The following SMIM31 variants were observed in gnomAD, a reference collection of about 807,000 sequenced individuals.
The protein encoded by SMIM31 is small integral membrane protein 31.
chr4:164,769,188 T>C (rs1429173639), intron 1 of SMIM31, among the ~76,000 whole-genome samples: 2 of 152,154 alleles, frequency 1.3e-5, no homozygotes, highest in African/African-American at 2.4e-5. Context: ...ACTCTGAGTT[T>C]TTTCCAGTTA....
At chr4:164,778,537 A>C (rs1053635941) in intron 2 of SMIM31, among the ~76,000 whole-genome samples, 2 of 152,166 alleles carry the variant, frequency 1.3e-5, no homozygotes, top group Non-Finnish European at 2.9e-5. Flanking sequence ...AACTGACGAT[A>C]TCTATAGCAC....
At chr4:164,761,754 TA>T (rs1732652945) in intron 1 of SMIM31, among the ~76,000 whole-genome samples, 1 of 118,564 alleles carries the variant, frequency 8.4e-6, no homozygotes, top group African/African-American at 2.8e-5. Flanking sequence ...CCATCTCTAC[TA>T]AAAATACAAA....
At chr4:164,767,222 A>C (rs1732731707) in intron 1 of SMIM31, among the ~76,000 whole-genome samples, 1 of 152,174 alleles carries the variant, frequency 6.6e-6, no homozygotes, top group Non-Finnish European at 1.5e-5. Context: ...AGGAATACAG[A>C]ATGGTAGGGT....
At chr4:164,759,941 C>A (rs1732622954) in intron 1 of SMIM31, among the ~76,000 whole-genome samples, 1 of 152,028 alleles carries the variant, frequency 6.6e-6, no homozygotes, top group Non-Finnish European at 1.5e-5. Flanking sequence ...TGAGAGTAGA[C>A]CACACTGAGA....
chr4:164,755,853 A>C (rs1732554400), intron 1 of SMIM31, among the ~76,000 whole-genome samples: 1 of 152,138 alleles, frequency 6.6e-6, no homozygotes, highest in Non-Finnish European at 1.5e-5. Flanking sequence ...CGTTGTTATG[A>C]AAATTGTTCA....
In SMIM31 at chr4:164,770,530, C is replaced by T. The variant is rs17045484; in HGVS notation, c.87C>T (p.Tyr29=). The T allele has an allele frequency of 0.046, 18,215 of 398,902 alleles. 548 individuals are homozygous for T. The highest frequency in any genetic ancestry group is 0.096 in the African/African-American group (4,691 of 48,700). The allele number at this position is 398,902 out of a possible 1,614,324, so 24.7% of individuals were successfully genotyped here. Residue 29 remains tyrosine (Y), a synonymous_variant, in exon 2 of 3, where the codon TAC becomes TAT. Transcript: ENST00000507311. ...IFSLFTLASI[Y]TTPDDSNEEE... ...CCTTATTTACCCTGGCTTCCATCTA[C>T]ACTACTCCGGATGACAGTAATGAAG...
At chr4:164,788,075 G>A (rs920633332) in intron 2 of SMIM31, among the ~76,000 whole-genome samples, 4 of 152,058 alleles carry the variant, frequency 2.6e-5, no homozygotes, top group African/African-American at 9.7e-5. Context: ...CTGCAGAAAT[G>A]TTTCTCAGAT....
intron 2 of SMIM31, among the ~76,000 whole-genome samples, chr4:164,786,865 G>C (rs936824554): frequency 6.6e-6 from 1 of 152,194 alleles, no homozygotes; most frequent in African/African-American, 2.4e-5. Context: ...GGTAGGTATA[G>C]GATGCAAAAA....
chr4:164,759,990 G>A (rs1239933797), intron 1 of SMIM31, among the ~76,000 whole-genome samples: 1 of 152,128 alleles, frequency 6.6e-6, no homozygotes, highest in South Asian at 2.1e-4. Flanking sequence ...GGAGGTAAGA[G>A]GGTAAGCCAT....
intron 1 of SMIM31, among the ~76,000 whole-genome samples, chr4:164,754,691 G>GT (rs561649187): frequency 3.6e-4 from 51 of 143,640 alleles, no homozygotes; most frequent in African/African-American, 1.3e-3. Context: ...TCCTAGTTTT[G>GT]TTTTTTTCCA....
At chr4:164,758,798 C>G (rs1026539916) in intron 1 of SMIM31, among the ~76,000 whole-genome samples, 3 of 93,912 alleles carry the variant, frequency 3.2e-5, no homozygotes, top group African/African-American at 1.3e-4. Flanking sequence ...CACGCCCGGC[C>G]AAATTTTTTT....
intron 2 of SMIM31, among the ~76,000 whole-genome samples, chr4:164,772,858 G>A (rs1579065445): frequency 6.6e-6 from 1 of 151,622 alleles, no homozygotes; most frequent in South Asian, 2.1e-4. Context: ...GATTACAGGC[G>A]TGAGCCACCG....
At chr4:164,799,486 C>T (rs1297121705) in intron 2 of SMIM31, among the ~76,000 whole-genome samples, 1 of 151,970 alleles carries the variant, frequency 6.6e-6, no homozygotes, top group African/African-American at 2.4e-5. Context: ...TAATACAGGG[C>T]AGAAGAATAT....
chr4:164,770,091 T>C (rs1465915459), intron 1 of SMIM31, among the ~76,000 whole-genome samples: 2 of 152,164 alleles, frequency 1.3e-5, no homozygotes, highest in Non-Finnish European at 2.9e-5. Context: ...CCTGGCCCCG[T>C]TTAAGTGCTC....
chr4:164,779,427 C>G (rs368605421), intron 2 of SMIM31, among the ~76,000 whole-genome samples: 23 of 152,224 alleles, frequency 1.5e-4, no homozygotes, highest in African/African-American at 5.3e-4. Flanking sequence ...TGAGGAAAGC[C>G]CCTATTAGCA....
chr4:164,760,738 T>TAAAAAAAAA (rs60710008), intron 1 of SMIM31, among the ~76,000 whole-genome samples: 1 of 86,248 alleles, frequency 1.2e-5, no homozygotes, highest in Non-Finnish European at 2.2e-5. Flanking sequence ...AGACTCCACC[T>TAAAAAAAAA]AAAAAAAAAA....
intron 1 of SMIM31, among the ~76,000 whole-genome samples, chr4:164,768,079 C>T (rs1732743385): frequency 6.7e-6 from 1 of 148,228 alleles, no homozygotes; most frequent in South Asian, 2.2e-4. Context: ...CAAAAAAAAT[C>T]AAAAAATTCG....
At chr4:164,760,924 T>A (rs2110920069) in intron 1 of SMIM31, among the ~76,000 whole-genome samples, 1 of 152,238 alleles carries the variant, frequency 6.6e-6, no homozygotes, top group Non-Finnish European at 1.5e-5. Context: ...GAATTCTGTT[T>A]TAAACACATT....
chr4:164,756,963 C>G (rs1225552037), intron 1 of SMIM31, among the ~76,000 whole-genome samples: 2 of 152,150 alleles, frequency 1.3e-5, no homozygotes, highest in Non-Finnish European at 2.9e-5. Context: ...CTAGGTCATA[C>G]TGTAGTTATA....
Sources: allele counts gnomAD v4.1 joint callset (sites outside exome capture counted in the v4.1 genomes callset), GRCh38; gene constraint gnomAD v4.1.1; transcripts MANE v1.5; gene names NCBI Gene and HGNC (gene_info 2026-07-23, HGNC 2026-07-21).